Variants in PDLIM5 observed in about 807,000 individuals in gnomAD.
PDLIM5 encodes PDZ and LIM domain protein 5.
PDLIM5 carries 34 observed loss-of-function variants against 64.2 expected under a neutral mutation model. The observed-to-expected ratio is 0.53, with a 90% CI of 0.40 to 0.71. The LOEUF (loss-of-function observed/expected upper bound fraction) is 0.71. Among genes scored for constraint, PDLIM5 ranks in the 30% least tolerant of loss-of-function variants. The pLI is 0.00. For missense variants in PDLIM5, 683 were observed against 733.6 expected (o/e 0.93, Z 0.80); for synonymous variants, 253 against 269.1 (o/e 0.94, Z 0.59).
chr4:94,526,108 G>T (rs2577056), intron 3 of PDLIM5, among the ~76,000 whole-genome samples: 33,791 of 152,090 alleles, frequency 0.22, 4,056 homozygotes, highest in East Asian at 0.41. Context: ...TTATTTAAGG[G>T]TATGAGCTCT....
chr4:94,564,626 G>GT (rs1734132762), intron 3 of PDLIM5, among the ~76,000 whole-genome samples: 1 of 144,452 alleles, frequency 6.9e-6, no homozygotes, highest in Non-Finnish European at 1.5e-5. Flanking sequence ...TCAAATGGAT[G>GT]TAAGCACCTT....
chr4:94,598,790 G>A (rs1229363013), intron 7 of PDLIM5, among the ~76,000 whole-genome samples: 2 of 151,938 alleles, frequency 1.3e-5, no homozygotes, highest in Admixed American at 1.3e-4. Flanking sequence ...TGAGGGGAGG[G>A]GAAGAGTAAG....
chr4:94,606,353 G>T (rs1411818880), intron 7 of PDLIM5, among the ~76,000 whole-genome samples: 1 of 152,150 alleles, frequency 6.6e-6, no homozygotes, highest in Non-Finnish European at 1.5e-5. Context: ...AGGTGGCTTG[G>T]GGAATCAGGG....
At chr4:94,564,291 TA>T (rs1287616595) in intron 3 of PDLIM5, among the ~76,000 whole-genome samples, 2 of 152,134 alleles carry the variant, frequency 1.3e-5, no homozygotes, top group Non-Finnish European at 2.9e-5. Flanking sequence ...TCACTCAGAA[TA>T]AAAGACCAAT....
At chr4:94,654,378 C>T (rs1291669572) in intron 9 of PDLIM5, 82 bp from the exon 10 acceptor site, 1 of 843,656 alleles carries the variant, frequency 1.2e-6, no homozygotes, top group East Asian at 2.4e-5. Context: ...ATTGGTTGGA[C>T]ATTGCATAAA....
chr4:94,454,284 C>T (rs1723124763), intron 1 of PDLIM5, among the ~76,000 whole-genome samples: 1 of 149,392 alleles, frequency 6.7e-6, no homozygotes. Flanking sequence ...AACTTCATTC[C>T]TCTGTCTCCT....
chr4:94,510,419 G>A (rs1578277657), intron 2 of PDLIM5, among the ~76,000 whole-genome samples: 1 of 151,950 alleles, frequency 6.6e-6, no homozygotes, highest in Non-Finnish European at 1.5e-5. Context: ...GTCTTCATGT[G>A]TTTGGAATGG....
intron 8 of PDLIM5, among the ~76,000 whole-genome samples, chr4:94,624,182 G>A (rs1739478944): frequency 6.6e-6 from 1 of 151,956 alleles, no homozygotes; most frequent in Admixed American, 6.6e-5. Context: ...GCTGGGCATG[G>A]TGGTGCACGC....
rs6852321 is a variant in PDLIM5 at position 94,544,612 on chromosome 4, A to T, written c.248+20737A>T. On this transcript the variant is annotated intron_variant, in intron 3 of 12. Coordinates refer to ENST00000317968, the MANE Select transcript of PDLIM5 (RefSeq NM_006457.5). The stretch of plus-strand genomic sequence containing the variant: ...TGTGATGGCATGCTAATTTATTCTG[A>T]TTTGTAGAGGGTCTGTTTTGAGGCA... 5.0e-3 allele frequency among the ~76,000 whole-genome samples: 762 copies of T among 152,208 alleles called. 4 individuals are homozygous for T. The highest frequency in any genetic ancestry group is 0.017 in the African/African-American group (718 of 41,534).
At chr4:94,486,529 G>A (rs1312238972) in intron 2 of PDLIM5, among the ~76,000 whole-genome samples, 1 of 152,160 alleles carries the variant, frequency 6.6e-6, no homozygotes, top group Non-Finnish European at 1.5e-5. Flanking sequence ...GGGTGGCAGT[G>A]TGCCAGCCTA....
At chr4:94,549,184 A>G (rs751399458) in intron 3 of PDLIM5, among the ~76,000 whole-genome samples, 3 of 152,190 alleles carry the variant, frequency 2.0e-5, no homozygotes, top group Non-Finnish European at 4.4e-5. Flanking sequence ...TTTGTGTGCC[A>G]GCATTCTGGG....
intron 2 of PDLIM5, among the ~76,000 whole-genome samples, chr4:94,523,319 AAG>A (rs1729996802): frequency 6.6e-6 from 1 of 152,194 alleles, no homozygotes; most frequent in African/African-American, 2.4e-5. Flanking sequence ...CAGCTGTTAA[AAG>A]AGTTTTAAAA....
At chr4:94,510,866 T>G (rs1407330351) in intron 2 of PDLIM5, among the ~76,000 whole-genome samples, 1 of 152,018 alleles carries the variant, frequency 6.6e-6, no homozygotes, top group East Asian at 1.9e-4. Flanking sequence ...AAAAATTAAC[T>G]GGGCATGATA....
chr4:94,610,088 CTT>C (rs1425073722), intron 7 of PDLIM5: 7 of 805,678 alleles, frequency 8.7e-6, no homozygotes, highest in Non-Finnish European at 1.1e-5. Context: ...TGGTTGCTCT[CTT>C]GTATTTATTA....
At chr4:94,551,923 T>C (rs1407563476) in intron 3 of PDLIM5, among the ~76,000 whole-genome samples, 2 of 152,168 alleles carry the variant, frequency 1.3e-5, no homozygotes, top group Non-Finnish European at 2.9e-5. Flanking sequence ...TTATTCATTC[T>C]CTACAGAAGG....
At chr4:94,624,982 C>T (rs1300146677) in intron 8 of PDLIM5, among the ~76,000 whole-genome samples, 1 of 152,140 alleles carries the variant, frequency 6.6e-6, no homozygotes, top group Non-Finnish European at 1.5e-5. Context: ...GGTTGGAGAC[C>T]TGGAGACCAT....
intron 8 of PDLIM5, among the ~76,000 whole-genome samples, chr4:94,628,247 A>G (rs1278421672): frequency 2.0e-5 from 3 of 152,184 alleles, no homozygotes; most frequent in African/African-American, 7.2e-5. Flanking sequence ...GTATCTTGAA[A>G]TTTAGTTTTT....
intron 3 of PDLIM5, among the ~76,000 whole-genome samples, chr4:94,540,325 A>G (rs911121770): frequency 5.3e-5 from 8 of 152,006 alleles, no homozygotes; most frequent in Non-Finnish European, 1.0e-4. Context: ...TCACTGTGTT[A>G]GCCAGGATGG....
At position 94,664,385 on chromosome 4, in the gene PDLIM5, C is replaced by A; in HGVS notation, c.*318C>A. ...GAATTTAATTTTAGAATAAATAATC[C>A]AATCTGAAATAATTATACCTTCTTT... On this transcript the variant is annotated 3_prime_UTR_variant, in exon 13 of 13. Coordinates refer to ENST00000317968, the MANE Select transcript of PDLIM5 (RefSeq NM_006457.5). 1.4e-6 allele frequency: 1 copy of A among 725,250 alleles called. No individual in the cohort carries two copies. Among genetic ancestry groups the A allele is most frequent in the Non-Finnish European group, 1.7e-6 (1 of 590,660 alleles). 44.9% of individuals were successfully genotyped at this position (725,250 alleles called of 1,614,324 possible).
Sources: allele counts gnomAD v4.1 joint callset (sites outside exome capture counted in the v4.1 genomes callset), GRCh38; gene constraint gnomAD v4.1.1; transcripts MANE v1.5; gene names NCBI Gene and HGNC (gene_info 2026-07-23, HGNC 2026-07-21).